EPB41: variants seen among roughly 807,000 people sequenced by gnomAD.
The protein encoded by EPB41 is erythrocyte membrane protein band 4.1.
In EPB41, 65 loss-of-function variants were observed where a neutral mutation model predicts 108.0. The ratio of observed to expected loss-of-function variants is 0.60; its 90% CI spans 0.49 to 0.74. The LOEUF is 0.74. Among genes scored for constraint, EPB41 ranks in the 30% least tolerant of loss-of-function variants. EPB41 has a pLI of 0.00. For missense variants in EPB41, 875 were observed against 1,037.0 expected, an observed-to-expected ratio of 0.84 and a Z score of 2.15; for synonymous variants, 336 against 358.9, an observed-to-expected ratio of 0.94 and a Z score of 0.72.
At chr1:29,003,735 A>G (rs981750751) in intron 4 of EPB41, among the ~76,000 whole-genome samples, 1 of 152,174 alleles carries the variant, frequency 6.6e-6, no homozygotes, top group African/African-American at 2.4e-5. Context: ...TGACTGCGTG[A>G]TAATGGGCCT....
rs2153165 is a variant in EPB41 at position 29,058,974 on chromosome 1, G to C, written c.1944+122G>C. 0.25 allele frequency: 240,109 copies of C among 955,530 alleles called. 35,904 individuals are homozygous for C. Among genetic ancestry groups the C allele is most frequent in the African/African-American group, 0.58 (35,141 of 60,714 alleles). 59.2% of individuals were successfully genotyped at this position (955,530 alleles called of 1,614,324 possible). On this transcript the variant is annotated intron_variant, in intron 14 of 20. Coordinates refer to ENST00000343067, the MANE Select transcript of EPB41 (RefSeq NM_001376013.1). ...TTCTTTTAATCAGGAGTTGTTAATA[G>C]TTTCAAATAATGGATATGGGCCAGG...
chr1:29,085,905 C>G (rs890960188), intron 16 of EPB41, among the ~76,000 whole-genome samples: 11 of 152,288 alleles, frequency 7.2e-5, no homozygotes, highest in African/African-American at 2.4e-4. Context: ...ATATTATATT[C>G]CCCTTATAAA....
At chr1:28,985,152 C>T (rs1197905837) in intron 1 of EPB41, among the ~76,000 whole-genome samples, 5 of 151,768 alleles carry the variant, frequency 3.3e-5, no homozygotes, top group African/African-American at 4.8e-5. Flanking sequence ...TTAGTAGAGA[C>T]GGGGCTTCAC....
chr1:29,018,236 T>C lies in EPB41; in HGVS notation c.918T>C (p.Cys306=). Residue 306 remains cysteine (C), a synonymous_variant, in exon 7 of 21, where the codon TGT becomes TGC. Coordinates refer to ENST00000343067, the MANE Select transcript of EPB41 (RefSeq NM_001376013.1). The surrounding 1 kb of genome is among the most constrained non-coding windows in gnomAD (Gnocchi z 4.4). Reference sequence around the variant, plus strand: ...CTTTTGGCTGTAGATATTATTTATGTCTTCAGCTTCGGCAGGACATAGTTG... The same window carrying C: ...CTTTTGGCTGTAGATATTATTTATGCCTTCAGCTTCGGCAGGACATAGTTG... The part of the protein sequence containing the change: ...LTEDITRYYL[C]LQLRQDIVAG... The C allele has an allele frequency of 6.2e-7, 1 of 1,614,194 alleles. No homozygotes were observed. The highest frequency in any genetic ancestry group is 1.7e-5 in the Admixed American group (1 of 60,018).
chr1:29,003,121 G>A lies in EPB41; in HGVS notation c.786+5802G>A, dbSNP rs144925214. On this transcript the variant is annotated intron_variant, in intron 4 of 20. Coordinates refer to ENST00000343067, the MANE Select transcript of EPB41 (RefSeq NM_001376013.1). The stretch of plus-strand genomic sequence containing the variant: ...TTTTTGTTTAACACTATCAGTCCAT[G>A]TATATGTACTGTCAATAAGCCAAAT... Among the ~76,000 whole-genome samples, 447 of 152,288 alleles carry A rather than the reference G, an allele frequency of 2.9e-3. 1 individual carries two copies. The highest frequency in any genetic ancestry group is 5.1e-3 in the Non-Finnish European group (350 of 68,016).
chr1:28,982,570 A>T (rs2095782720), intron 1 of EPB41: 1 of 1,506,692 alleles, frequency 6.6e-7, no homozygotes, highest in Non-Finnish European at 9.2e-7. Context: ...GCGTCCAGCC[A>T]GGACAAGCAC....
At chr1:28,926,967 C>G (rs1048823369) in intron 1 of EPB41, among the ~76,000 whole-genome samples, 32 of 152,196 alleles carry the variant, frequency 2.1e-4, no homozygotes, top group African/African-American at 7.5e-4. Flanking sequence ...TCTAAAGACC[C>G]ATTTCACAGC....
chr1:29,115,957 A>G lies in EPB41; in HGVS notation c.*6+154A>G, dbSNP rs1185156942. Among the ~76,000 whole-genome samples, 2 of 152,152 alleles carry G rather than the reference A, an allele frequency of 1.3e-5. No homozygotes were observed. Among genetic ancestry groups the G allele is most frequent in the East Asian group, 3.8e-4 (2 of 5,196 alleles). ...CAGACGAGAGGCTGATGTGGGAGAT[A>G]TAGGAAATTAAGTATTTGGCTCCAA... On this transcript the variant is annotated intron_variant, in intron 20 of 20. Coordinates refer to ENST00000343067, the MANE Select transcript of EPB41 (RefSeq NM_001376013.1). The surrounding 1 kb of genome is among the most constrained non-coding windows in gnomAD (Gnocchi z 4.4).
At chr1:29,039,215 GA>G in intron 10 of EPB41, 38 bp from the exon 11 acceptor site, 1 of 1,577,314 alleles carries the variant, frequency 6.3e-7, no homozygotes, top group Non-Finnish European at 8.7e-7. Flanking sequence ...ATAATAAGAT[GA>G]ATATATAATA....
chr1:29,107,321 G>A (rs1168192299), intron 17 of EPB41, among the ~76,000 whole-genome samples: 2 of 152,162 alleles, frequency 1.3e-5, no homozygotes, highest in Non-Finnish European at 2.9e-5. Context: ...TTCAAACAGG[G>A]AGTTTCTTGC....
chr1:29,115,579 G>C lies in EPB41; in HGVS notation c.2497-120G>C. 5.9e-6 allele frequency: 5 copies of C among 845,288 alleles called. No homozygotes were observed. The highest frequency in any genetic ancestry group is 9.7e-6 in the Non-Finnish European group (5 of 514,704). The allele number at this position is 845,288 out of a possible 1,614,324, so 52.4% of individuals were successfully genotyped here. On this transcript the variant is annotated intron_variant, in intron 19 of 20. Coordinates refer to ENST00000343067, the MANE Select transcript of EPB41 (RefSeq NM_001376013.1). This position sits in a 1 kb window ranked among gnomAD's most constrained non-coding sequence, Gnocchi z 4.4. ...TATCAGCTTGGCTTAGCCTAAAGCTGCCCTGGTACTGCAGACAGGAGTATT... is the reference window on the plus strand; with the variant it reads ...TATCAGCTTGGCTTAGCCTAAAGCTCCCCTGGTACTGCAGACAGGAGTATT...
At chr1:28,980,794 GTT>G (rs1227983608) in intron 1 of EPB41, among the ~76,000 whole-genome samples, 26 of 118,178 alleles carry the variant, frequency 2.2e-4, no homozygotes, top group Middle Eastern at 4.7e-3. Flanking sequence ...TATTCCAGGA[GTT>G]TTTTTTTTTT....
At chr1:28,892,093 CAAAAA>C (rs748788169) in intron 1 of EPB41, among the ~76,000 whole-genome samples, 8 of 69,808 alleles carry the variant, frequency 1.1e-4, no homozygotes, top group Admixed American at 1.9e-4. Flanking sequence ...GACTGCATCT[CAAAAA>C]AAAAAAAAAA....
chr1:29,033,611 T>A (rs541747320), intron 9 of EPB41, among the ~76,000 whole-genome samples: 1 of 152,326 alleles, frequency 6.6e-6, no homozygotes, highest in South Asian at 2.1e-4. Flanking sequence ...TCACCAATCC[T>A]TTATCTCATA....
intron 1 of EPB41, among the ~76,000 whole-genome samples, chr1:28,957,619 T>C (rs2149073744): frequency 6.6e-6 from 1 of 152,292 alleles, no homozygotes; most frequent in South Asian, 2.1e-4. Context: ...TGGTCAGGCC[T>C]GTCCCAAACT....
intron 1 of EPB41, among the ~76,000 whole-genome samples, chr1:28,985,323 T>G (rs1027825075): frequency 2.3e-5 from 3 of 132,226 alleles, no homozygotes; most frequent in African/African-American, 7.4e-5. Flanking sequence ...GGGTATACAA[T>G]GATAAAAAAA....
At chr1:29,054,724 T>A (rs1284843178) in intron 12 of EPB41, among the ~76,000 whole-genome samples, 3 of 152,016 alleles carry the variant, frequency 2.0e-5, no homozygotes, top group Non-Finnish European at 4.4e-5. Flanking sequence ...GTGACGCACA[T>A]CTGTAGTCCC....
chr1:29,050,648 G>C (rs1004563464), intron 11 of EPB41, among the ~76,000 whole-genome samples: 2 of 152,096 alleles, frequency 1.3e-5, no homozygotes, highest in Non-Finnish European at 2.9e-5. Context: ...TGTGCAAGAG[G>C]CCGCAGATTT....
At chr1:28,997,635 G>A (rs1463203672) in intron 4 of EPB41, among the ~76,000 whole-genome samples, 10 of 152,004 alleles carry the variant, frequency 6.6e-5, no homozygotes, top group Admixed American at 6.6e-5. Flanking sequence ...TATGCAATTG[G>A]TATTGTATCT....
Sources: allele counts gnomAD v4.1 joint callset (sites outside exome capture counted in the v4.1 genomes callset), GRCh38; gene constraint gnomAD v4.1.1; non-coding constraint Gnocchi (gnomAD v3.1); transcripts MANE v1.5; gene names NCBI Gene and HGNC (gene_info 2026-07-23, HGNC 2026-07-21).